The following ARID1A variants were observed in gnomAD, a reference collection of about 807,000 sequenced individuals.
ARID1A encodes the protein AT-rich interactive domain-containing protein 1A.
In ARID1A, 20 loss-of-function variants were observed where a neutral mutation model predicts 212.6. The ratio of observed to expected loss-of-function variants is 0.09; its 90% CI spans 0.07 to 0.14. ARID1A has a LOEUF of 0.14. ARID1A is among the 10% of genes least tolerant of loss of function. The probability of loss-of-function intolerance (pLI) is 1.00; values close to 1 mark genes in which losing one functional copy is unlikely to be tolerated. For missense variants in ARID1A, 2,587 were observed against 3,059.0 expected (o/e 0.85, Z 3.64); for synonymous variants, 1,376 against 1,222.1 (o/e 1.13, Z -2.63).
Position 26,774,009 on chromosome 1 carries a change from T to C in ARID1A, c.4101+111T>C. 1 of 1,396,318 alleles carries C rather than the reference T, an allele frequency of 7.2e-7. No homozygotes were observed. Among genetic ancestry groups the C allele is most frequent in the Non-Finnish European group, 9.9e-7 (1 of 1,008,758 alleles). 86.5% of individuals were successfully genotyped at this position (1,396,318 alleles called of 1,614,324 possible). A position where few individuals can be genotyped will look rare whatever the true frequency, so the allele number is the denominator to read the frequency against. Reference sequence around the variant, plus strand: ...GAAGCTCACTTTAGATATTTTGGCATTCTTCTCTCACCTGACTGGCCAGTC... The same window carrying C: ...GAAGCTCACTTTAGATATTTTGGCACTCTTCTCTCACCTGACTGGCCAGTC... On this transcript the variant is annotated intron_variant, in intron 17 of 19. Transcript: ENST00000324856. This position sits in a 1 kb window ranked among gnomAD's most constrained non-coding sequence, Gnocchi z 5.6.
At position 26,731,162 on chromosome 1, in the gene ARID1A, A is replaced by G. The variant is rs774669704; in HGVS notation, c.1361A>G (p.Tyr454Cys). The part of the protein sequence containing the change: ...GLSYTQQIPP[Y>C]GQQGPSGYGQ... ...TTTCCTTTCCTACAGATTCCTCCTT[A>G]TGGACAACAAGGCCCCAGCGGGTAT... Residue 454 changes from tyrosine to cysteine, a missense_variant, in exon 3 of 20, where the codon TAT (tyrosine) becomes TGT (cysteine). By Grantham distance (194) the Tyr-to-Cys change is radical (BLOSUM62 -2). This residue lies in a region of ARID1A where 674 missense variants were observed against 813.4 expected (regional missense o/e 0.83). Coordinates refer to ENST00000324856, the MANE Select transcript of ARID1A (RefSeq NM_006015.6). 10 of 1,613,728 alleles carry G rather than the reference A, an allele frequency of 6.2e-6. No individual in the cohort carries two copies. Among genetic ancestry groups the G allele is most frequent in the Non-Finnish European group, 8.5e-6 (10 of 1,179,756 alleles).
At chr1:26,762,825 C>T (rs2081005029) in intron 7 of ARID1A, 148 bp from the exon 8 acceptor site, 1 of 850,434 alleles carries the variant, frequency 1.2e-6, no homozygotes, top group East Asian at 2.8e-5. Context: ...GAATCCCCCC[C>T]TTTTTCTCAT....
intron 4 of ARID1A, among the ~76,000 whole-genome samples, chr1:26,734,199 T>C (rs1349574473): frequency 5.3e-5 from 8 of 152,216 alleles, no homozygotes; most frequent in Non-Finnish European, 1.2e-4. Context: ...TCCCTCATCA[T>C]CTGTGGTCTG....
chr1:26,754,547 G>GC (rs1188847312), intron 4 of ARID1A, among the ~76,000 whole-genome samples: 2 of 152,254 alleles, frequency 1.3e-5, no homozygotes, highest in African/African-American at 4.8e-5. Context: ...GATTTATCCA[G>GC]CCCCCTCTGA....
At chr1:26,702,216 C>T (rs1415550129) in intron 1 of ARID1A, among the ~76,000 whole-genome samples, 1 of 152,098 alleles carries the variant, frequency 6.6e-6, no homozygotes, top group South Asian at 2.1e-4. Flanking sequence ...GGAAAAGCTG[C>T]GTTTCAGGGT....
rs2124144087 is a variant in ARID1A at position 26,779,818 on chromosome 1, C to A, written c.5920C>A (p.Gln1974Lys). 1 of 1,614,104 alleles carries A rather than the reference C, an allele frequency of 6.2e-7. No homozygotes were observed. Among genetic ancestry groups the A allele is most frequent in the Non-Finnish European group, 8.5e-7 (1 of 1,180,032 alleles). ...ETPLCTLLDW[Q>K]DSLAKRCVCV... ...CCCACTGTGTACCCTTCTGGACTGG[C>A]AGGATTCTCTTGCCAAGCGCTGCGT... Residue 1974 changes from glutamine to lysine, a missense_variant, in exon 20 of 20, where the codon CAG becomes AAG. Around this residue, in one of 11 missense-constraint regions of ARID1A, gnomAD observed 168 missense variants for 321.0 expected, o/e 0.52. Transcript: ENST00000324856.
chr1:26,758,902 G>A (rs1273086382), intron 4 of ARID1A, among the ~76,000 whole-genome samples: 1 of 152,190 alleles, frequency 6.6e-6, no homozygotes, highest in Non-Finnish European at 1.5e-5. Flanking sequence ...AGGCACAAAT[G>A]CACACCTACC....
At chr1:26,719,797 C>T (rs951418126) in intron 1 of ARID1A, among the ~76,000 whole-genome samples, 6 of 151,322 alleles carry the variant, frequency 4.0e-5, no homozygotes, top group African/African-American at 9.7e-5. Context: ...AAAAATTAGC[C>T]GGGCATGGTG....
rs3841356 is a variant in ARID1A at position 26,780,772 on chromosome 1, TC to T, written c.*25del. On this transcript the variant is annotated 3_prime_UTR_variant, in exon 20 of 20. Coordinates refer to ENST00000324856, the MANE Select transcript of ARID1A (RefSeq NM_006015.6). The surrounding 1 kb of genome is among the most constrained non-coding windows in gnomAD (Gnocchi z 7.2). The stretch of plus-strand genomic sequence containing the variant: ...CCAGTCATGACAGCCGTGGGACACC[TC>T]CCCCCCCCGTGTGTGTGTGCGTGTG... 1,097 of 1,486,788 alleles carry T rather than the reference TC, an allele frequency of 7.4e-4. No homozygotes were observed. The highest frequency in any genetic ancestry group is 3.7e-3 in the African/African-American group (263 of 71,310). 92.1% of individuals were successfully genotyped at this position (1,486,788 alleles called of 1,614,324 possible). A position where few individuals can be genotyped will look rare whatever the true frequency, so the allele number is the denominator to read the frequency against.
Position 26,781,343 on chromosome 1 carries a change from C to G in ARID1A, c.*587C>G, listed in dbSNP as rs1207755836. 1 of 233,398 alleles carries G rather than the reference C, an allele frequency of 4.3e-6. No individual in the cohort carries two copies. The highest frequency in any genetic ancestry group is 8.5e-6 in the Non-Finnish European group (1 of 118,058). 14.5% of individuals were successfully genotyped at this position (233,398 alleles called of 1,614,324 possible). A position where few individuals can be genotyped will look rare whatever the true frequency, so the allele number is the denominator to read the frequency against. On this transcript the variant is annotated 3_prime_UTR_variant, in exon 20 of 20. Transcript: ENST00000324856. ...AGTGTAGACCCTTTCATGTACTGTA[C>G]TGTACACCTGATACTGTAAACATAC...
intron 4 of ARID1A, among the ~76,000 whole-genome samples, chr1:26,743,214 C>T (rs989779097): frequency 6.6e-6 from 1 of 152,196 alleles, no homozygotes; most frequent in African/African-American, 2.4e-5. Flanking sequence ...AAGCTCCTCA[C>T]AATTCCTGGT....
At chr1:26,759,096 T>G (rs1383678866) in intron 4 of ARID1A, among the ~76,000 whole-genome samples, 1 of 152,220 alleles carries the variant, frequency 6.6e-6, no homozygotes, top group African/African-American at 2.4e-5. Flanking sequence ...TTTCAGCCGA[T>G]CTTTCCCGGG....
intron 1 of ARID1A, among the ~76,000 whole-genome samples, chr1:26,715,936 G>A (rs182325199): frequency 6.6e-6 from 1 of 152,076 alleles, no homozygotes; most frequent in Non-Finnish European, 1.5e-5. Flanking sequence ...GCTGGGCGCG[G>A]TGGCTCACGC....
intron 1 of ARID1A, among the ~76,000 whole-genome samples, chr1:26,704,899 G>T (rs1292956037): frequency 6.6e-6 from 1 of 151,952 alleles, no homozygotes; most frequent in Non-Finnish European, 1.5e-5. Context: ...AGGTTACTAT[G>T]GCCAAGCAGC....
At chr1:26,763,384 A>G (rs1279162793) in intron 8 of ARID1A, 99 bp downstream of exon 8, 1 of 1,347,042 alleles carries the variant, frequency 7.4e-7, no homozygotes, top group South Asian at 1.5e-5. Context: ...AGGGGGGGAA[A>G]ATGGGTGTGT....
In ARID1A at chr1:26,731,205, T is replaced by C. The variant is rs1299765542; in HGVS notation, c.1404T>C (p.Thr468=). 1 of 1,613,898 alleles carries C rather than the reference T, an allele frequency of 6.2e-7. No homozygotes were observed. Among genetic ancestry groups the C allele is most frequent in the South Asian group, 1.1e-5 (1 of 91,066 alleles). Reference sequence around the variant, plus strand: ...GCGGGTATGGTCAACAGGGCCAGACTCCATATTACAACCAGCAAAGTCCTC... The same window carrying C: ...GCGGGTATGGTCAACAGGGCCAGACCCCATATTACAACCAGCAAAGTCCTC... The part of the protein sequence containing the change: ...GPSGYGQQGQ[T]PYYNQQSPHP... The change falls in exon 3 of 20, where the codon ACT becomes ACC. Residue 468 remains threonine, a synonymous_variant. Coordinates refer to ENST00000324856, the MANE Select transcript of ARID1A (RefSeq NM_006015.6).
In ARID1A at chr1:26,696,084, G is replaced by C; in HGVS notation, c.-320G>C. On this transcript the variant is annotated 5_prime_UTR_variant, in exon 1 of 20. Transcript: ENST00000324856. ...GGCCCTGGGGAGCGGAGCCTCCACCGCCCCCCTCATTCCCAGGCAAGGGCT... is the reference window on the plus strand; with the variant it reads ...GGCCCTGGGGAGCGGAGCCTCCACCCCCCCCCTCATTCCCAGGCAAGGGCT... The C allele has an allele frequency of 2.2e-6, 1 of 460,958 alleles. No homozygotes were observed. Among genetic ancestry groups the C allele is most frequent in the Non-Finnish European group, 2.9e-6 (1 of 339,138 alleles). The allele number at this position is 460,958 out of a possible 1,614,324, so 28.6% of individuals were successfully genotyped here.
chr1:26,716,541 C>T (rs1368972983), intron 1 of ARID1A, among the ~76,000 whole-genome samples: 1 of 151,994 alleles, frequency 6.6e-6, no homozygotes, highest in East Asian at 1.9e-4. Context: ...AGTCCCTTTC[C>T]CTCTAGGGTC....
chr1:26,696,937 C>A lies in ARID1A; in HGVS notation c.534C>A (p.Ser178Arg). 6.9e-7 allele frequency: 1 copy of A among 1,448,842 alleles called. No individual in the cohort carries two copies. Among genetic ancestry groups the A allele is most frequent in the South Asian group, 1.5e-5 (1 of 66,812 alleles). 89.7% of individuals were successfully genotyped at this position (1,448,842 alleles called of 1,614,324 possible). Reference protein sequence around the residue: ...VFHQQHGGQQSPGLAALQSGG... With the variant: ...VFHQQHGGQQRPGLAALQSGG... ...ACCAACAACATGGCGGACAACAAAG[C>A]CCTGGCCTGGCAGCGCTGCAGAGCG... The change falls in exon 1 of 20, where the codon AGC becomes AGA. Residue 178 changes from serine to arginine, a missense_variant. This residue lies in a region of ARID1A where 735 missense variants were observed against 590.6 expected (regional missense o/e 1.24). Coordinates refer to ENST00000324856, the MANE Select transcript of ARID1A (RefSeq NM_006015.6).
Sources: gnomAD v4.1 joint callset for allele counts (sites outside exome capture counted in the v4.1 genomes callset) on GRCh38, gnomAD v4.1.1 for gene constraint, gnomAD v4.1.1 regional missense constraint, Gnocchi (gnomAD v3.1) non-coding constraint, MANE v1.5 for transcripts, NCBI Gene and HGNC (gene_info 2026-07-23, HGNC 2026-07-21) for gene names.